ALOX15: variants seen among roughly 807,000 people sequenced by gnomAD.
ALOX15 encodes the protein polyunsaturated fatty acid lipoxygenase ALOX15.
A neutral mutation model predicts 71.7 loss-of-function variants in ALOX15; 68 were observed. The observed-to-expected ratio is 0.95, with a 90% CI of 0.78 to 1.16. The LOEUF (loss-of-function observed/expected upper bound fraction) is 1.16. Among genes scored for constraint, ALOX15 ranks in the 50% most tolerant of loss-of-function variants. The probability of loss-of-function intolerance (pLI) is 0.00; values close to 1 mark genes in which losing one functional copy is unlikely to be tolerated. For synonymous variants in ALOX15, 346 were observed against 333.3 expected, an observed-to-expected ratio of 1.04 and a Z score of -0.42; for missense variants, 798 against 818.8, an observed-to-expected ratio of 0.97 and a Z score of 0.31.
chr17:4,634,716 C>T (rs1484727259), intron 8 of ALOX15, among the ~76,000 whole-genome samples: 1 of 152,014 alleles, frequency 6.6e-6, no homozygotes, highest in Middle Eastern at 3.2e-3. Context: ...CGGTGGCTCA[C>T]GCCTGTAATC....
rs377318723 is a variant in ALOX15, at chr17:4,635,778, G to A, written c.1142C>T (p.Ser381Leu). ...IVVATMRCLP[S>L]IHPIFKLIIP... ...AGTTACCTTGAAGATAGGATGTATC[G>A]ACGGCAGGCACCTCATGGTGGCCAC... is the stretch of plus-strand genomic sequence containing the variant. Residue 381 changes from serine (S) to leucine (L), a missense_variant, in exon 8 of 14, where the codon TCG (serine) becomes TTG (leucine). Ser to Leu is a moderately radical substitution (Grantham distance 145, BLOSUM62 -2). Coordinates refer to ENST00000293761, the MANE Select transcript of ALOX15 (RefSeq NM_001140.5). 1.5e-5 allele frequency: 24 copies of A among 1,614,216 alleles called. 1 individual carries two copies. Among genetic ancestry groups the A allele is most frequent in the South Asian group, 1.4e-4 (13 of 91,064 alleles).
chr17:4,641,570 C>G lies in ALOX15; in HGVS notation c.82G>C (p.Gly28Arg), dbSNP rs147708465. The G allele has an allele frequency of 6.2e-7, 1 of 1,613,414 alleles. No individual in the cohort carries two copies. The highest frequency in any genetic ancestry group is 1.3e-5 in the African/African-American group (1 of 74,946). Residue 28 changes from glycine to arginine, a missense_variant, in exon 1 of 14, where the codon GGC becomes CGC. Coordinates refer to ENST00000293761, the MANE Select transcript of ALOX15 (RefSeq NM_001140.5). ...CCGAGCGCCGCCTCCCCGTGCTGGC[C>G]GACCAGCCACAGCTGCACCTGGTTG... ...SNNQVQLWLV[G>R]QHGEAALGKR...
At chr17:4,636,106 C>T (rs71368509) in intron 7 of ALOX15, 138 bp from the exon 8 acceptor site, 29 of 905,390 alleles carry the variant, frequency 3.2e-5, no homozygotes, top group Non-Finnish European at 3.3e-5. Flanking sequence ...CCGCTCCCTA[C>T]GGCTCCCGTT....
At chr17:4,640,475 A>C (rs985912016) in intron 1 of ALOX15, among the ~76,000 whole-genome samples, 2 of 146,520 alleles carry the variant, frequency 1.4e-5, no homozygotes, top group African/African-American at 5.4e-5. Flanking sequence ...CTTAATTCCA[A>C]GGAGATCGAG....
chr17:4,635,304 C>T (rs1256047773), intron 8 of ALOX15, among the ~76,000 whole-genome samples: 5 of 150,316 alleles, frequency 3.3e-5, no homozygotes, highest in Non-Finnish European at 7.4e-5. Context: ...CCTGGTGGTG[C>T]GCGACTGTAA....
In ALOX15 at chr17:4,639,043, G is replaced by C. The variant is rs373004452; in HGVS notation, c.419+8C>G. ...CAGCTCACGTGGGGTCAGGGGAGGA[G>C]GGCTCACCGGTACAACTTCCTTCTC... On this transcript the variant is annotated splice_region_variant and intron_variant, in intron 3 of 13. Coordinates refer to ENST00000293761, the MANE Select transcript of ALOX15 (RefSeq NM_001140.5). 2 of 1,614,074 alleles carry C rather than the reference G, an allele frequency of 1.2e-6. No individual in the cohort carries two copies. The highest frequency in any genetic ancestry group is 3.3e-5 in the Admixed American group (2 of 60,002).
At chr17:4,640,778 G>A (rs374902488) in intron 1 of ALOX15, among the ~76,000 whole-genome samples, 13,638 of 148,856 alleles carry the variant, frequency 0.092, 178 homozygotes, top group African/African-American at 0.27. Flanking sequence ...GAGATGCTCA[G>A]GGTCTAGAAC....
chr17:4,632,894 T>C lies in ALOX15; in HGVS notation c.1507A>G (p.Thr503Ala). The C allele has an allele frequency of 6.2e-7, 1 of 1,614,128 alleles. No homozygotes were observed. The highest frequency in any genetic ancestry group is 8.5e-7 in the Non-Finnish European group (1 of 1,179,992). The change falls in exon 11 of 14, where the codon ACT (threonine) becomes GCT (alanine). Residue 503 changes from threonine (T) to alanine (A), a missense_variant. By Grantham distance (58) the Thr-to-Ala change is moderately conservative (BLOSUM62 0). Around this residue, in one of 3 missense-constraint regions of ALOX15, gnomAD observed 490 missense variants for 509.4 expected, o/e 0.96. Transcript: ENST00000293761. ...TGGGCCCCTTGCAGCCCGATTTCAG[T>C]GATCTCTCGACACCAGGTCTGCAGC... is the stretch of plus-strand genomic sequence containing the variant. ...PELQTWCREI[T>A]EIGLQGAQDR... is the part of the protein sequence containing the mutation.
At chr17:4,637,361 A>G in intron 6 of ALOX15, 103 bp from the exon 7 acceptor site, 1 of 1,321,416 alleles carries the variant, frequency 7.6e-7, no homozygotes, top group Non-Finnish European at 1.0e-6. Flanking sequence ...CGTCTCCATC[A>G]TCTACTTTAT....
chr17:4,633,237 G>A lies in ALOX15; in HGVS notation c.1327C>T (p.Pro443Ser), dbSNP rs1910978206. ...CCCCGGTCGGCCAAGTCATCAGGGG[G>A]ACAGAAGGAGCTGTAGGTTAGGAAG... is the stretch of plus-strand genomic sequence containing the variant. ...GAFLTYSSFC[P>S]PDDLADRGLL... The change falls in exon 10 of 14, where the codon CCC (proline) becomes TCC (serine). Residue 443 changes from proline (P) to serine (S), a missense_variant. Around this residue, in one of 3 missense-constraint regions of ALOX15, gnomAD observed 490 missense variants for 509.4 expected, o/e 0.96. Coordinates refer to ENST00000293761, the MANE Select transcript of ALOX15 (RefSeq NM_001140.5). The A allele has an allele frequency of 2.5e-6, 4 of 1,614,094 alleles. No individual in the cohort carries two copies. The African/African-American group carries it at 5.3e-5, about 22-fold the overall frequency.
Position 4,631,902 on chromosome 17 carries a change from C to A in ALOX15, c.1796G>T (p.Arg599Leu). The A allele has an allele frequency of 6.2e-7, 1 of 1,611,642 alleles. No homozygotes were observed. The highest frequency in any genetic ancestry group is 8.5e-7 in the Non-Finnish European group (1 of 1,178,622). Residue 599 changes from arginine (R) to leucine (L), a missense_variant, in exon 13 of 14, where the codon CGC (arginine) becomes CTC (leucine). This residue lies in a region of ALOX15 where 490 missense variants were observed against 509.4 expected (regional missense o/e 0.96). Transcript: ENST00000293761. ...CTCAGCTCTCACCATAACGGGCTGGCGTCTGCCCAGCTGCCAAGTGATGGA... is the reference window on the plus strand; with the variant it reads ...CTCAGCTCTCACCATAACGGGCTGGAGTCTGCCCAGCTGCCAAGTGATGGA... ...QMSITWQLGR[R>L]QPVMVAVGQH... is the part of the protein sequence containing the mutation.
Position 4,632,163 on chromosome 17 carries a change from C to T in ALOX15, c.1641+18G>A, listed in dbSNP as rs1383470594. ...ACTCCAGGCCCCAAATTCCCAGCTG[C>T]CCATCTCTGGTAAGTACCTGGCCCA... On this transcript the variant is annotated intron_variant, in intron 12 of 13. Transcript: ENST00000293761. 1.2e-6 allele frequency: 2 copies of T among 1,614,010 alleles called. No individual in the cohort carries two copies. The highest frequency in any genetic ancestry group is 8.5e-7 in the Non-Finnish European group (1 of 1,179,878).
chr17:4,635,777 C>G lies in ALOX15; in HGVS notation c.1143G>C (p.Ser381=), dbSNP rs747448868. ...GAGTTACCTTGAAGATAGGATGTAT[C>G]GACGGCAGGCACCTCATGGTGGCCA... The part of the protein sequence containing the change: ...IVVATMRCLP[S]IHPIFKLIIP... Residue 381 remains serine, a synonymous_variant, in exon 8 of 14, where the codon TCG becomes TCC. Transcript: ENST00000293761. The G allele has an allele frequency of 6.2e-7, 1 of 1,614,162 alleles. No individual in the cohort carries two copies. The highest frequency in any genetic ancestry group is 1.7e-5 in the Admixed American group (1 of 60,022).
At position 4,633,301 on chromosome 17, in the gene ALOX15, A is replaced by C. The variant is rs1910982380; in HGVS notation, c.1263T>G (p.Gly421=). Reference sequence around the variant, plus strand: ...TGAGCAGCTGCACGTGGCCTCCCCCACCAGTGCTCATTATCTGAGAAGTGA... The same window carrying C: ...TGAGCAGCTGCACGTGGCCTCCCCCCCCAGTGCTCATTATCTGAGAAGTGA... ...MGIFDQIMST[G]GGGHVQLLKQ... is the part of the protein sequence containing the mutation. Residue 421 remains glycine (G), a synonymous_variant, in exon 10 of 14, where the codon GGT becomes GGG. Transcript: ENST00000293761. 5.6e-6 allele frequency: 9 copies of C among 1,613,670 alleles called. No homozygotes were observed. The highest frequency in any genetic ancestry group is 7.6e-6 in the Non-Finnish European group (9 of 1,179,744).
Position 4,633,440 on chromosome 17 carries a change from C to A in ALOX15, c.1222G>T (p.Val408Phe). 1 of 1,614,160 alleles carries A rather than the reference C, an allele frequency of 6.2e-7. No individual in the cohort carries two copies. The highest frequency in any genetic ancestry group is 8.5e-7 in the Non-Finnish European group (1 of 1,180,024). ...TGGTCGAAAATTCCCATGTCAGAGACCAGCCCAGTCCTGGCCCGGACGTTA... is the reference window on the plus strand; with the variant it reads ...TGGTCGAAAATTCCCATGTCAGAGAACAGCCCAGTCCTGGCCCGGACGTTA... ...EINVRARTGL[V>F]SDMGIFDQIM... The change falls in exon 9 of 14, where the codon GTC becomes TTC. Residue 408 changes from valine to phenylalanine, a missense_variant. By Grantham distance (50) the Val-to-Phe change is conservative. Coordinates refer to ENST00000293761, the MANE Select transcript of ALOX15 (RefSeq NM_001140.5).
rs763791514 is a variant in ALOX15, at chr17:4,638,930, CCCAGCCATATT to C, written c.451_461del (p.Asn151GlyfsTer5). 24 of 1,614,102 alleles carry C rather than the reference CCCAGCCATATT, an allele frequency of 1.5e-5. 1 individual carries two copies. The South Asian group carries it at 2.6e-4, about 18-fold the overall frequency. ...CCACAGGGAGGTCATATAGTTTGGCCCCAGCCATATTCAGAATTAACCCGTCCTTCCAGTTT... is the reference window on the plus strand; with the variant it reads ...CCACAGGGAGGTCATATAGTTTGGCCCAGAATTAACCCGTCCTTCCAGTTT... On this transcript the variant is annotated frameshift_variant, in exon 4 of 14. Coordinates refer to ENST00000293761, the MANE Select transcript of ALOX15 (RefSeq NM_001140.5). LOFTEE classifies it high-confidence loss of function.
chr17:4,633,035 C>T (rs758179509), intron 10 of ALOX15, 53 bp from the exon 11 acceptor site: 26 of 1,613,452 alleles, frequency 1.6e-5, no homozygotes, highest in South Asian at 6.6e-5. Context: ...TGCCCCTGCT[C>T]ACATGGCCAG....
At chr17:4,641,193 A>T (rs1283731897) in intron 1 of ALOX15, among the ~76,000 whole-genome samples, 3 of 151,534 alleles carry the variant, frequency 2.0e-5, no homozygotes, top group African/African-American at 7.3e-5. Flanking sequence ...GGTTTTTAAA[A>T]TAGAGAAAGC....
At chr17:4,639,665 G>A (rs1489478761) in intron 1 of ALOX15, 34 bp from the exon 2 acceptor site, 3 of 1,577,918 alleles carry the variant, frequency 1.9e-6, no homozygotes, top group Non-Finnish European at 2.6e-6. Flanking sequence ...GCCCCGGTGG[G>A]GCCTGGCGGG....
Sources: allele counts gnomAD v4.1 joint callset (sites outside exome capture counted in the v4.1 genomes callset), GRCh38; gene constraint gnomAD v4.1.1; regional missense constraint gnomAD v4.1.1; transcripts MANE v1.5; gene names NCBI Gene and HGNC (gene_info 2026-07-23, HGNC 2026-07-21).